AOAH: variants seen among roughly 807,000 people sequenced by gnomAD.
AOAH encodes acyloxyacyl hydrolase (neutrophil).
AOAH carries 64 observed loss-of-function variants against 92.2 expected under a neutral mutation model. The ratio of observed to expected loss-of-function variants is 0.69; its 90% CI spans 0.57 to 0.86. The LOEUF (loss-of-function observed/expected upper bound fraction) is 0.86. Among genes scored for constraint, AOAH ranks in the 40% least tolerant of loss-of-function variants. The probability of loss-of-function intolerance (pLI) is 0.00; values close to 1 mark genes in which losing one functional copy is unlikely to be tolerated. For missense variants in AOAH, 656 were observed against 694.6 expected (o/e 0.94, Z 0.62); for synonymous variants, 263 against 254.5 (o/e 1.03, Z -0.32).
intron 13 of AOAH, among the ~76,000 whole-genome samples, chr7:36,556,961 A>C (rs1277952981): frequency 6.6e-6 from 1 of 151,430 alleles, no homozygotes; most frequent in Non-Finnish European, 1.5e-5. Context: ...GTGTCTTTTA[A>C]TTGGAGCATT....
chr7:36,704,187 T>C (rs1798235344), intron 1 of AOAH, among the ~76,000 whole-genome samples: 1 of 152,148 alleles, frequency 6.6e-6, no homozygotes, highest in African/African-American at 2.4e-5. Flanking sequence ...TCGCCCACTT[T>C]TTGATGGGGT....
chr7:36,634,831 A>G (rs1459475438), intron 5 of AOAH, among the ~76,000 whole-genome samples: 1 of 152,202 alleles, frequency 6.6e-6, no homozygotes. Context: ...ACAGTTTTAT[A>G]ATTACTAGAC....
intron 16 of AOAH, among the ~76,000 whole-genome samples, chr7:36,540,053 G>A (rs1463507811): frequency 6.6e-6 from 1 of 152,234 alleles, no homozygotes; most frequent in East Asian, 1.9e-4. Context: ...TTCTGTTAGA[G>A]GAATTTCCTG....
chr7:36,533,858 G>A (rs145094419), intron 16 of AOAH, among the ~76,000 whole-genome samples: 19 of 152,118 alleles, frequency 1.2e-4, no homozygotes, highest in Middle Eastern at 6.8e-3. Flanking sequence ...GCGGCCTTCC[G>A]TCTCCCCACC....
At chr7:36,540,975 TAC>T (rs981815637) in intron 15 of AOAH, among the ~76,000 whole-genome samples, 5 of 152,386 alleles carry the variant, frequency 3.3e-5, no homozygotes, top group African/African-American at 1.2e-4. Context: ...TGGCCTGACT[TAC>T]ACACAGTTTT....
chr7:36,679,544 T>TTATACATTATTATATGTATAATGTG (rs1796504593), intron 2 of AOAH, among the ~76,000 whole-genome samples: 1 of 134,774 alleles, frequency 7.4e-6, no homozygotes, highest in Non-Finnish European at 1.6e-5. Context: ...GCAGATATTG[T>TTATACATTATTATATGTATAATGTG]TATACATTAT....
At chr7:36,563,147 CAAAAAAAAAAAAAAAAAAA>C (rs60240330) in intron 13 of AOAH, among the ~76,000 whole-genome samples, 20 of 36,052 alleles carry the variant, frequency 5.5e-4, no homozygotes, top group African/African-American at 1.3e-3. Context: ...AACTCCGTCT[CAAAAAAAAAAAAAAAAAAA>C]AAAAAAAAAA....
chr7:36,706,771 G>A (rs1263299517), intron 1 of AOAH, among the ~76,000 whole-genome samples: 1 of 152,142 alleles, frequency 6.6e-6, no homozygotes, highest in Non-Finnish European at 1.5e-5. Flanking sequence ...GCACTTTTAT[G>A]TTATGGAGAT....
chr7:36,686,849 G>A, intron 1 of AOAH, 55 bp from the exon 2 acceptor site: 2 of 1,227,180 alleles, frequency 1.6e-6, no homozygotes, highest in South Asian at 1.6e-5. Context: ...CTGAACTGGA[G>A]GGACAGGAGA....
At chr7:36,677,560 G>C (rs1796334177) in intron 2 of AOAH, among the ~76,000 whole-genome samples, 1 of 152,134 alleles carries the variant, frequency 6.6e-6, no homozygotes, top group Non-Finnish European at 1.5e-5. Context: ...GTTACTATGT[G>C]ATCCAGCAAT....
At chr7:36,577,544 T>C (rs957347044) in intron 12 of AOAH, among the ~76,000 whole-genome samples, 8 of 152,166 alleles carry the variant, frequency 5.3e-5, no homozygotes, top group Non-Finnish European at 1.0e-4. Context: ...TTGAATCTAA[T>C]ACTAATAAAC....
intron 2 of AOAH, among the ~76,000 whole-genome samples, chr7:36,683,089 A>G (rs1796748763): frequency 6.6e-6 from 1 of 152,254 alleles, no homozygotes; most frequent in Non-Finnish European, 1.5e-5. Context: ...ACTTCAAAGT[A>G]TAAACAGCAA....
chr7:36,583,247 G>A (rs1168226753), intron 12 of AOAH, among the ~76,000 whole-genome samples: 1 of 152,168 alleles, frequency 6.6e-6, no homozygotes, highest in African/African-American at 2.4e-5. Flanking sequence ...TGAAGAGTTA[G>A]GGAGGGGAGT....
At chr7:36,567,904 G>A (rs560448859) in intron 13 of AOAH, among the ~76,000 whole-genome samples, 1 of 152,202 alleles carries the variant, frequency 6.6e-6, no homozygotes, top group Non-Finnish European at 1.5e-5. Context: ...CTGTAGGGGA[G>A]GAAAAAGAAT....
intron 3 of AOAH, among the ~76,000 whole-genome samples, chr7:36,671,637 G>A (rs922957239): frequency 6.9e-6 from 1 of 145,660 alleles, no homozygotes. Flanking sequence ...GCATCTGTGT[G>A]TGTGCACGTG....
chr7:36,568,932 G>T (rs144252194), intron 13 of AOAH, among the ~76,000 whole-genome samples: 1 of 152,200 alleles, frequency 6.6e-6, no homozygotes, highest in African/African-American at 2.4e-5. Context: ...TTGGGGATGG[G>T]GGGCAGCCTA....
chr7:36,621,663 T>C lies in AOAH; in HGVS notation c.653+47A>G, dbSNP rs1256474223. ...GGAAGGAAATGTGCCTCCTGCTTCC[T>C]TTTCTGAAGATAATTTTAAAAATCA... On this transcript the variant is annotated intron_variant, in intron 8 of 20. Coordinates refer to ENST00000617537, the MANE Select transcript of AOAH (RefSeq NM_001637.4). The C allele has an allele frequency of 3.8e-6, 6 of 1,580,472 alleles. No homozygotes were observed. The African/African-American group carries it at 8.1e-5, about 21-fold the overall frequency.
chr7:36,644,729 T>C (rs1794121099), intron 4 of AOAH, among the ~76,000 whole-genome samples: 1 of 152,222 alleles, frequency 6.6e-6, no homozygotes, highest in South Asian at 2.1e-4. Flanking sequence ...GTGAACAATT[T>C]TGAGTGATCA....
intron 11 of AOAH, among the ~76,000 whole-genome samples, chr7:36,603,018 G>C (rs577742972): frequency 6.6e-6 from 1 of 152,230 alleles, no homozygotes; most frequent in South Asian, 2.1e-4. Flanking sequence ...CTCTGGCCAG[G>C]GGCCCTGCTT....
Sources: allele counts gnomAD v4.1 joint callset (sites outside exome capture counted in the v4.1 genomes callset), GRCh38; gene constraint gnomAD v4.1.1; transcripts MANE v1.5; gene names NCBI Gene and HGNC (gene_info 2026-07-23, HGNC 2026-07-21).